PSPC1: variants seen among roughly 807,000 people sequenced by gnomAD.
PSPC1 encodes the protein paraspeckle protein 1.
Under a neutral mutation model 51.6 loss-of-function variants are expected in PSPC1, and 14 were observed. The ratio of observed to expected loss-of-function variants is 0.27; its 90% confidence interval spans 0.18 to 0.42. PSPC1 has a LOEUF of 0.42. PSPC1 is among the 10% of genes least tolerant of loss of function. PSPC1 has a pLI of 1.00. For missense variants in PSPC1, 406 were observed against 701.1 expected (o/e 0.58, Z 4.75); for synonymous variants, 193 against 231.9 (o/e 0.83, Z 1.53).
chr13:19,767,664 A>G lies in PSPC1; in HGVS notation c.674+4578T>C, dbSNP rs192575186. On this transcript the variant is annotated intron_variant, in intron 2 of 8. Transcript: ENST00000338910. ...TACAGATTTTTTTTTTCCTGGTAACAAAGGGGAAATCATAAATTTTTTCAA... is the reference window on the plus strand; with the variant it reads ...TACAGATTTTTTTTTTCCTGGTAACGAAGGGGAAATCATAAATTTTTTCAA... Among the ~76,000 whole-genome samples the G allele has an allele frequency of 4.6e-3, 694 of 152,250 alleles. 5 individuals carry two copies. The highest frequency in any genetic ancestry group is 0.027 in the South Asian group (129 of 4,830).
At chr13:19,756,956 C>T (rs560140623) in intron 3 of PSPC1, among the ~76,000 whole-genome samples, 7 of 151,710 alleles carry the variant, frequency 4.6e-5, no homozygotes, top group Admixed American at 1.3e-4. Flanking sequence ...GGTGAAACCC[C>T]GTCTCTACTA....
chr13:19,698,276 T>C (rs1419235003), downstream of PSPC1, among the ~76,000 whole-genome samples: 3 of 151,946 alleles, frequency 2.0e-5, no homozygotes, highest in African/African-American at 4.8e-5. Context: ...GAAAAAATTT[T>C]AGATAAAAAT....
At chr13:19,693,694 G>A (rs1878834373) in intron 6 of PSPC1, among the ~76,000 whole-genome samples, 1 of 152,180 alleles carries the variant, frequency 6.6e-6, no homozygotes, top group African/African-American at 2.4e-5. Context: ...GTAACAAAGT[G>A]AAAGGGGTGT....
Position 19,741,642 on chromosome 13 carries a change from C to G in PSPC1, c.975G>C (p.Met325Ile), listed in dbSNP as rs1204471822. ...HQLMLMRQDL[M>I]RRQEELRRLE... is the part of the protein sequence containing the mutation. ...AGCGTCTGAGTTCTTCTTGACGCCT[C>G]ATTAGATCTATAAAATAATGACTGC... The change falls in exon 5 of 9, where the codon ATG becomes ATC. Residue 325 changes from methionine to isoleucine, a missense_variant. Transcript: ENST00000338910. The G allele has an allele frequency of 6.3e-7, 1 of 1,586,122 alleles. No homozygotes were observed. Among genetic ancestry groups the G allele is most frequent in the Non-Finnish European group, 8.6e-7 (1 of 1,164,440 alleles).
chr13:19,734,782 A>G (rs1884565070), intron 5 of PSPC1, among the ~76,000 whole-genome samples: 1 of 152,126 alleles, frequency 6.6e-6, no homozygotes, highest in African/African-American at 2.4e-5. Context: ...AGCCTGGGCG[A>G]AAGAGCAAGA....
intron 6 of PSPC1, chr13:19,677,862 A>G: frequency 2.1e-6 from 1 of 467,140 alleles, no homozygotes; most frequent in Non-Finnish European, 4.3e-6. Flanking sequence ...CTTTTTAAGA[A>G]CTGATTTCAA....
At position 19,759,370 on chromosome 13, in the gene PSPC1, T is replaced by C. The variant is rs775755834; in HGVS notation, c.723A>G (p.Glu241=). The part of the protein sequence containing the change: ...IVEPMEQFDD[E]DGLPEKLMQK... ...GCATCAGCTTCTCTGGCAAGCCATC[T>C]TCATCATCAAACTGCTCCATGGGTT... The change falls in exon 3 of 9, where the codon GAA becomes GAG. Residue 241 remains glutamate (E), a synonymous_variant. Transcript: ENST00000338910. The C allele has an allele frequency of 2.5e-6, 4 of 1,614,072 alleles. No homozygotes were observed. The highest frequency in any genetic ancestry group is 2.2e-5 in the East Asian group (1 of 44,898).
At chr13:19,706,200 A>G (rs539331243) in intron 7 of PSPC1, among the ~76,000 whole-genome samples, 9 of 152,338 alleles carry the variant, frequency 5.9e-5, no homozygotes, top group Admixed American at 2.6e-4. Flanking sequence ...AAGGATTAGC[A>G]CTTACAAAAC....
rs939240494 is a variant in PSPC1 at position 19,782,195 on chromosome 13, C to T, written c.372+191G>A. ...CTGTGAGCGCAGGAAATCCCGGGAC[C>T]GTGAACTCGAAACCAAAGGCGCCGA... On this transcript the variant is annotated intron_variant, in intron 1 of 8. Coordinates refer to ENST00000338910, the MANE Select transcript of PSPC1 (RefSeq NM_001354909.2). This position sits in a 1 kb window ranked among gnomAD's most constrained non-coding sequence, Gnocchi z 4.5. Among the ~76,000 whole-genome samples the T allele has an allele frequency of 2.0e-5, 3 of 152,188 alleles. No individual in the cohort carries two copies. Among genetic ancestry groups the T allele is most frequent in the Admixed American group, 2.0e-4 (3 of 15,274 alleles).
At chr13:19,703,686 A>G (rs1292180901) in intron 8 of PSPC1, among the ~76,000 whole-genome samples, 1 of 152,198 alleles carries the variant, frequency 6.6e-6, no homozygotes, top group Non-Finnish European at 1.5e-5. Flanking sequence ...CCTTTTTTCA[A>G]AAGTTTATAT....
rs2138420410 is a variant in PSPC1, at chr13:19,782,262, C to A, written c.372+124G>T. On this transcript the variant is annotated intron_variant, in intron 1 of 8. Transcript: ENST00000338910. This position sits in a 1 kb window ranked among gnomAD's most constrained non-coding sequence, Gnocchi z 4.5. Reference sequence around the variant, plus strand: ...ACCCCGCACAGAGGAATCGATGAGGCCGAGCGGCGCCACGGTTGCCACAGG... The same window carrying A: ...ACCCCGCACAGAGGAATCGATGAGGACGAGCGGCGCCACGGTTGCCACAGG... 7.2e-7 allele frequency: 1 copy of A among 1,387,884 alleles called. No homozygotes were observed. The highest frequency in any genetic ancestry group is 2.7e-5 in the East Asian group (1 of 37,474). The allele number at this position is 1,387,884 out of a possible 1,614,324, so 86.0% of individuals were successfully genotyped here. A position where few individuals can be genotyped will look rare whatever the true frequency, so the allele number is the denominator to read the frequency against.
At chr13:19,710,062 C>T (rs1444849459) in intron 6 of PSPC1, among the ~76,000 whole-genome samples, 1 of 152,036 alleles carries the variant, frequency 6.6e-6, no homozygotes, top group East Asian at 1.9e-4. Flanking sequence ...GGGAATTATG[C>T]TAAAAATAAG....
rs754308963 is a variant in PSPC1 at position 19,709,507 on chromosome 13, A to T, written c.1216+35T>A. ...AGCATAAACAGTCCCCCCAAAAATG[A>T]TAAATTACAAAAGCCTTTTGCTTCA... On this transcript the variant is annotated intron_variant, in intron 7 of 8. Coordinates refer to ENST00000338910, the MANE Select transcript of PSPC1 (RefSeq NM_001354909.2). The T allele has an allele frequency of 3.8e-6, 6 of 1,570,174 alleles. No individual in the cohort carries two copies. In the South Asian group the frequency reaches 6.9e-5, roughly 18 times the overall value.
rs1423989519 is a variant in PSPC1 at position 19,705,665 on chromosome 13, T to C, written c.1383A>G (p.Ala461=). 1 of 1,593,710 alleles carries C rather than the reference T, an allele frequency of 6.3e-7. No homozygotes were observed. Among genetic ancestry groups the C allele is most frequent in the Admixed American group, 1.7e-5 (1 of 57,670 alleles). The change falls in exon 8 of 9, where the codon GCA becomes GCG. Residue 461 remains alanine, a synonymous_variant. Coordinates refer to ENST00000338910, the MANE Select transcript of PSPC1 (RefSeq NM_001354909.2). ...MGTPMMPDNG[A]VHNDRFPQGP... ...AATAATGTTTATGATACATTACCAC[T>C]GCTCCATTATCTGGCATCATTGGAG...
chr13:19,734,685 C>G (rs1405376029), intron 5 of PSPC1, among the ~76,000 whole-genome samples: 2 of 152,152 alleles, frequency 1.3e-5, no homozygotes, highest in East Asian at 3.9e-4. Context: ...GCCTGTAATC[C>G]CAGTTACTTG....
intron 6 of PSPC1, among the ~76,000 whole-genome samples, chr13:19,696,487 TCACACA>T (rs1198591152): frequency 6.9e-6 from 1 of 144,824 alleles, no homozygotes; most frequent in African/African-American, 2.6e-5. Flanking sequence ...TAGGCCTTTA[TCACACA>T]CACACGCACA....
intron 6 of PSPC1, among the ~76,000 whole-genome samples, chr13:19,695,035 T>C (rs771386805): frequency 2.0e-5 from 3 of 152,170 alleles, no homozygotes; most frequent in Non-Finnish European, 2.9e-5. Context: ...TAGCAAACTG[T>C]AGGAAGTCAG....
chr13:19,746,301 C>T (rs1387595521), intron 4 of PSPC1, among the ~76,000 whole-genome samples: 2 of 151,810 alleles, frequency 1.3e-5, no homozygotes, highest in African/African-American at 4.8e-5. Flanking sequence ...ACTCAAGAGG[C>T]TGAGGCAGGA....
At chr13:19,694,582 AG>A (rs1878986449) in intron 6 of PSPC1, among the ~76,000 whole-genome samples, 1 of 152,246 alleles carries the variant, frequency 6.6e-6, no homozygotes, top group Non-Finnish European at 1.5e-5. Flanking sequence ...AACTGTATTT[AG>A]ATTACATAAA....
Sources: allele counts gnomAD v4.1 joint callset (sites outside exome capture counted in the v4.1 genomes callset), GRCh38; gene constraint gnomAD v4.1.1; non-coding constraint Gnocchi (gnomAD v3.1); transcripts MANE v1.5; gene names NCBI Gene and HGNC (gene_info 2026-07-23, HGNC 2026-07-21).